The following AGBL1 variants were observed in gnomAD, a reference collection of about 807,000 sequenced individuals.
AGBL1 encodes the protein cytosolic carboxypeptidase 4.
A neutral mutation model predicts 118.9 loss-of-function variants in AGBL1; 130 were observed. The observed-to-expected ratio is 1.09, with a 90% confidence interval of 0.95 to 1.26. The LOEUF (loss-of-function observed/expected upper bound fraction) is 1.26. Ranked by LOEUF, AGBL1 falls within the 50% of genes most tolerant of loss-of-function variation. The pLI is 0.00. For synonymous variants in AGBL1, 555 were observed against 478.9 expected (o/e 1.16, Z -2.08); for missense variants, 1,584 against 1,298.1 (o/e 1.22, Z -3.38).
intron 23 of AGBL1, among the ~76,000 whole-genome samples, chr15:86,950,809 A>G (rs932780647): frequency 3.3e-5 from 5 of 152,152 alleles, no homozygotes; most frequent in Non-Finnish European, 7.4e-5. Flanking sequence ...TGGTTAATCA[A>G]TACATTAAAA....
At chr15:86,169,541 GC>G (rs944673491) in intron 5 of AGBL1, among the ~76,000 whole-genome samples, 2 of 152,154 alleles carry the variant, frequency 1.3e-5, no homozygotes, top group African/African-American at 4.8e-5. Context: ...ATCTGTGGAG[GC>G]CCAAGTCCTT....
At chr15:86,696,667 T>A (rs2086267725) in intron 22 of AGBL1, among the ~76,000 whole-genome samples, 1 of 151,910 alleles carries the variant, frequency 6.6e-6, no homozygotes, top group South Asian at 2.1e-4. Flanking sequence ...GTTGTTTTTT[T>A]AATTGTATTT....
chr15:86,117,622 A>G (rs1199380322), intron 1 of AGBL1, among the ~76,000 whole-genome samples: 4 of 152,224 alleles, frequency 2.6e-5, no homozygotes, highest in African/African-American at 4.8e-5. Flanking sequence ...ATAATGTGCA[A>G]TGATTAACAC....
intron 18 of AGBL1, among the ~76,000 whole-genome samples, chr15:86,479,998 A>C (rs975904011): frequency 3.3e-5 from 5 of 151,782 alleles, no homozygotes; most frequent in African/African-American, 1.2e-4. Context: ...AAAAAACCAA[A>C]CACCACATGT....
intron 21 of AGBL1, among the ~76,000 whole-genome samples, chr15:86,577,633 G>A (rs1479780608): frequency 6.6e-6 from 1 of 152,152 alleles, no homozygotes; most frequent in Non-Finnish European, 1.5e-5. Context: ...GATCTGAGGG[G>A]AAAAAGTGGT....
intron 22 of AGBL1, among the ~76,000 whole-genome samples, chr15:86,855,855 C>T (rs984278724): frequency 6.6e-6 from 1 of 152,184 alleles, no homozygotes; most frequent in Non-Finnish European, 1.5e-5. Flanking sequence ...GGGACCCCTG[C>T]TCAGATCTGC....
At chr15:86,879,430 C>T (rs1300752992) in intron 22 of AGBL1, among the ~76,000 whole-genome samples, 1 of 152,108 alleles carries the variant, frequency 6.6e-6, no homozygotes, top group Non-Finnish European at 1.5e-5. Flanking sequence ...GTGCTTTTGG[C>T]TCCAGAAATG....
At chr15:86,600,161 G>A (rs370132405) in intron 21 of AGBL1, among the ~76,000 whole-genome samples, 17 of 152,292 alleles carry the variant, frequency 1.1e-4, no homozygotes, top group African/African-American at 3.8e-4. Context: ...GGAGAAGGAT[G>A]TCAGCTAACT....
intron 5 of AGBL1, among the ~76,000 whole-genome samples, chr15:86,192,982 A>G (rs1389144681): frequency 1.3e-5 from 2 of 152,194 alleles, no homozygotes; most frequent in Non-Finnish European, 2.9e-5. Context: ...TTAATTTTGT[A>G]CTTAATTTAT....
At chr15:86,545,608 T>A (rs1245326067) in intron 19 of AGBL1, among the ~76,000 whole-genome samples, 1 of 152,168 alleles carries the variant, frequency 6.6e-6, no homozygotes, top group Non-Finnish European at 1.5e-5. Context: ...TGTGTGTCCA[T>A]GTGTTCTCAT....
At chr15:87,029,187 G>A (rs901380256), downstream of AGBL1, 3 of 193,800 alleles carry the variant, frequency 1.5e-5, no homozygotes, top group African/African-American at 2.3e-5. Flanking sequence ...GCATTAAAAT[G>A]TCTCTTACCA....
chr15:86,748,291 C>A lies in AGBL1; in HGVS notation c.3158+73855C>A, dbSNP rs147826779. 8.9e-3 allele frequency among the ~76,000 whole-genome samples: 1,347 copies of A among 152,122 alleles called. 22 individuals carry two copies. Among genetic ancestry groups the A allele is most frequent in the African/African-American group, 0.03 (1,239 of 41,504 alleles). The stretch of plus-strand genomic sequence containing the variant: ...ATAAATGTCTTCTTTTGAGAAGTGT[C>A]TGTTCATATCCTTCACCCACTTTTT... On this transcript the variant is annotated intron_variant, in intron 22 of 22. Coordinates refer to ENST00000614907, the MANE Select transcript of AGBL1 (RefSeq NM_001386094.1).
chr15:86,508,849 A>C (rs2083017255), intron 18 of AGBL1, among the ~76,000 whole-genome samples: 1 of 152,184 alleles, frequency 6.6e-6, no homozygotes, highest in Non-Finnish European at 1.5e-5. Flanking sequence ...GCAAATGTGA[A>C]TGCTAAAAAG....
intron 18 of AGBL1, among the ~76,000 whole-genome samples, chr15:86,508,248 A>T (rs2142172528): frequency 1.3e-5 from 2 of 152,002 alleles, no homozygotes; most frequent in South Asian, 4.1e-4. Context: ...ATTTCCTGGA[A>T]CCACTTGTGT....
intron 17 of AGBL1, among the ~76,000 whole-genome samples, chr15:86,327,786 C>A (rs2080206097): frequency 6.6e-6 from 1 of 152,128 alleles, no homozygotes; most frequent in Non-Finnish European, 1.5e-5. Flanking sequence ...GTGTGACTTG[C>A]CTAATTACTT....
At chr15:86,934,655 C>A (rs2080645055) in intron 23 of AGBL1, among the ~76,000 whole-genome samples, 1 of 151,786 alleles carries the variant, frequency 6.6e-6, no homozygotes, top group South Asian at 2.1e-4. Flanking sequence ...AATAGGATGT[C>A]ATGATTAAGA....
intron 21 of AGBL1, among the ~76,000 whole-genome samples, chr15:86,599,838 A>G (rs571855571): frequency 6.6e-6 from 1 of 152,126 alleles, no homozygotes; most frequent in Non-Finnish European, 1.5e-5. Context: ...GGTTAATAAC[A>G]AATTGGGTGA....
intron 4 of AGBL1, among the ~76,000 whole-genome samples, chr15:86,156,470 A>G (rs2077192173): frequency 6.6e-6 from 1 of 152,176 alleles, no homozygotes. Context: ...TAAAGGCCCT[A>G]TCTCCAGATA....
At chr15:86,652,040 T>G (rs1427480357) in intron 21 of AGBL1, among the ~76,000 whole-genome samples, 1 of 152,178 alleles carries the variant, frequency 6.6e-6, no homozygotes, top group Non-Finnish European at 1.5e-5. Flanking sequence ...TGTCTGAGAT[T>G]GTTTAACAAA....
Sources: gnomAD v4.1 joint callset for allele counts (sites outside exome capture counted in the v4.1 genomes callset) on GRCh38, gnomAD v4.1.1 for gene constraint, MANE v1.5 for transcripts, NCBI Gene and HGNC (gene_info 2026-07-23, HGNC 2026-07-21) for gene names.